Variants in SGCD observed in about 807,000 individuals in gnomAD.
The protein encoded by SGCD is sarcoglycan delta.
A neutral mutation model predicts 36.6 loss-of-function variants in SGCD; 18 were observed. That is an observed-to-expected ratio of 0.49 (90% CI 0.34 to 0.73). The LOEUF (loss-of-function observed/expected upper bound fraction) is 0.73. Among genes scored for constraint, SGCD ranks in the 30% least tolerant of loss-of-function variants. The pLI, the probability that SGCD is intolerant of heterozygous loss-of-function variation, is 0.01. For missense variants in SGCD, 387 were observed against 346.7 expected, an observed-to-expected ratio of 1.12 and a Z score of -0.92; for synonymous variants, 133 against 130.6, an observed-to-expected ratio of 1.02 and a Z score of -0.12.
intron 1 of SGCD, among the ~76,000 whole-genome samples, chr5:155,879,515 AC>A (rs1755836158): frequency 1.3e-5 from 2 of 152,120 alleles, no homozygotes; most frequent in Admixed American, 1.3e-4. Context: ...TGATTGAGTA[AC>A]CACACAATTT....
intron 1 of SGCD, among the ~76,000 whole-genome samples, chr5:156,037,244 G>A (rs1581055363): frequency 6.6e-6 from 1 of 152,142 alleles, no homozygotes; most frequent in Admixed American, 6.5e-5. Flanking sequence ...CCTGAGAGAG[G>A]CAAAAGAAGC....
intron 6 of SGCD, among the ~76,000 whole-genome samples, chr5:156,630,459 C>G (rs938476209): frequency 3.3e-5 from 5 of 152,148 alleles, no homozygotes; most frequent in Non-Finnish European, 5.9e-5. Context: ...ACATTTATTG[C>G]ACTCTTACTG....
intron 3 of SGCD, among the ~76,000 whole-genome samples, chr5:156,467,485 G>A: frequency 6.6e-6 from 1 of 152,128 alleles, no homozygotes; most frequent in Non-Finnish European, 1.5e-5. Flanking sequence ...AGAAACACCT[G>A]TATGGAAAAA....
At chr5:156,613,480 T>G (rs73299180) in intron 6 of SGCD, among the ~76,000 whole-genome samples, 7,906 of 152,258 alleles carry the variant, frequency 0.052, 682 homozygotes, top group African/African-American at 0.18. Context: ...GGTCTCACTG[T>G]CATATGTATT....
chr5:156,291,876 T>G (rs999759730), intron 3 of SGCD, among the ~76,000 whole-genome samples: 9 of 152,308 alleles, frequency 5.9e-5, no homozygotes, highest in Admixed American at 5.2e-4. Context: ...GTGGGAACAC[T>G]TGAAATCTCT....
chr5:156,061,123 G>A (rs1760194783), intron 1 of SGCD, among the ~76,000 whole-genome samples: 1 of 145,278 alleles, frequency 6.9e-6, no homozygotes, highest in Non-Finnish European at 1.5e-5. Context: ...GTCTCACAGA[G>A]ACGTTATTAA....
At chr5:156,236,892 G>A (rs1021772253) in intron 3 of SGCD, among the ~76,000 whole-genome samples, 6 of 150,862 alleles carry the variant, frequency 4.0e-5, no homozygotes, top group Non-Finnish European at 5.9e-5. Context: ...GGAGCACAGC[G>A]GCAGAAGCTC....
chr5:156,492,639 C>T lies in SGCD; in HGVS notation c.193-15962C>T, dbSNP rs139598217. Among the ~76,000 whole-genome samples, 20 of 152,112 alleles carry T rather than the reference C, an allele frequency of 1.3e-4. No individual in the cohort carries two copies. In the East Asian group the frequency reaches 1.7e-3, roughly 13 times the overall value. On this transcript the variant is annotated intron_variant, in intron 3 of 8. Transcript: ENST00000337851. ...TGCAGGTTTGTTACATAGGTATACACGTGCCATGATGGTTTGCTGCACCCA... is the reference window on the plus strand; with the variant it reads ...TGCAGGTTTGTTACATAGGTATACATGTGCCATGATGGTTTGCTGCACCCA...
At chr5:155,789,394 A>G in the SGCD span, among the ~76,000 whole-genome samples, 1 of 152,120 alleles carries the variant, frequency 6.6e-6, no homozygotes, top group Non-Finnish European at 1.5e-5. Context: ...CATAAAATTT[A>G]GACTAATACT....
At chr5:155,912,632 T>C (rs1170916202) in intron 1 of SGCD, among the ~76,000 whole-genome samples, 5 of 152,176 alleles carry the variant, frequency 3.3e-5, no homozygotes, top group Non-Finnish European at 7.3e-5. Context: ...ATTATTGTGT[T>C]GAATGTATGT....
At chr5:156,608,863 CA>C (rs1367684569) in intron 6 of SGCD, among the ~76,000 whole-genome samples, 1 of 151,850 alleles carries the variant, frequency 6.6e-6, no homozygotes, top group Admixed American at 6.6e-5. Context: ...ACTAGGATTG[CA>C]ACCCCTGCCT....
chr5:155,839,973 C>T, the SGCD span, among the ~76,000 whole-genome samples: 4 of 151,242 alleles, frequency 2.6e-5, no homozygotes, highest in African/African-American at 4.9e-5. Flanking sequence ...TAAAAAACCT[C>T]TTCTGCTCTT....
chr5:155,922,744 T>G lies in SGCD; in HGVS notation c.-282+52320T>G, dbSNP rs367785394. Among the ~76,000 whole-genome samples the G allele has an allele frequency of 5.9e-5, 9 of 152,304 alleles. No homozygotes were observed. The East Asian group carries it at 1.7e-3, about 29-fold the overall frequency. On this transcript the variant is annotated intron_variant, in intron 1 of 9. Coordinates refer to the SGCD transcript ENST00000517913. ...TCCTCTCCCCCACTAGTGCATGTATTTTGGTGCAAAAGCTTGGAAGTACAT... is the reference window on the plus strand; with the variant it reads ...TCCTCTCCCCCACTAGTGCATGTATGTTGGTGCAAAAGCTTGGAAGTACAT...
chr5:155,989,002 A>G (rs1423802700), intron 1 of SGCD, among the ~76,000 whole-genome samples: 1 of 152,234 alleles, frequency 6.6e-6, no homozygotes, highest in Non-Finnish European at 1.5e-5. Context: ...ATGTAAGAAT[A>G]TCAAGTATTT....
intron 1 of SGCD, 78 bp downstream of exon 1, chr5:156,327,310 C>T (rs1038557559): frequency 6.6e-6 from 1 of 152,332 alleles, no homozygotes; most frequent in Non-Finnish European, 1.5e-5. Flanking sequence ...TTTGCAGGCA[C>T]TCCGAGTTTT....
chr5:156,459,226 TTC>T (rs1415495755), intron 3 of SGCD, among the ~76,000 whole-genome samples: 1 of 152,192 alleles, frequency 6.6e-6, no homozygotes, highest in Non-Finnish European at 1.5e-5. Context: ...GCTTACACTA[TTC>T]TGAGTGCTGA....
rs374677110 is a variant in SGCD, at chr5:156,554,452, A to C, written c.295-34779A>C. ...ATCTATTTTGTCATTATTGCTGTTC[A>C]TGTGTTACTATGCCTAATTTATAAA... On this transcript the variant is annotated intron_variant, in intron 4 of 8. Coordinates refer to ENST00000337851, the MANE Select transcript of SGCD (RefSeq NM_000337.6). 3.3e-4 allele frequency among the ~76,000 whole-genome samples: 50 copies of C among 151,320 alleles called. 1 individual carries two copies. Among genetic ancestry groups the C allele is most frequent in the African/African-American group, 1.2e-3 (49 of 41,216 alleles).
At chr5:155,844,421 T>TGTGTGTGTGTGTGTGTG in the SGCD span, among the ~76,000 whole-genome samples, 4 of 144,498 alleles carry the variant, frequency 2.8e-5, no homozygotes, top group Non-Finnish European at 6.0e-5. Context: ...TGCTAAGGCT[T>TGTGTGTGTGTGTGTGTG]TGTGTGTGTG....
In SGCD at chr5:156,765,469, A is replaced by G. The variant is rs995085534; in HGVS notation, c.*6079A>G. 6.6e-6 allele frequency: 1 copy of G among 152,226 alleles called. No individual in the cohort carries two copies. Among genetic ancestry groups the G allele is most frequent in the African/African-American group, 2.4e-5 (1 of 41,460 alleles). The allele number at this position is 152,226 out of a possible 1,614,324, so 9.4% of individuals were successfully genotyped here. ...ACTTCTCCCCAAAAAGAACCACCCC[A>G]CAAAATCTTGCAAAACGTAAGAGAT... On this transcript the variant is annotated 3_prime_UTR_variant, in exon 9 of 9. Transcript: ENST00000337851.
Sources: gnomAD v4.1 joint callset for allele counts (sites outside exome capture counted in the v4.1 genomes callset) on GRCh38, gnomAD v4.1.1 for gene constraint, MANE v1.5 for transcripts, NCBI Gene and HGNC (gene_info 2026-07-23, HGNC 2026-07-21) for gene names.